NEXMIF: variants seen among roughly 807,000 people sequenced by gnomAD.
NEXMIF encodes XLMR protein related to neurite extension.
Under a neutral mutation model 62.1 loss-of-function variants are expected in NEXMIF, and 8 were observed. The ratio of observed to expected loss-of-function variants is 0.13; its 90% confidence interval spans 0.08 to 0.23. NEXMIF has a LOEUF of 0.23. NEXMIF is among the 10% of genes least tolerant of loss of function. NEXMIF has a pLI of 1.00. For synonymous variants in NEXMIF, 404 were observed against 416.6 expected (o/e 0.97, Z 0.37); for missense variants, 976 against 1,113.3 (o/e 0.88, Z 1.75).
At chrX:74,744,929 TC>T (rs761970353) in intron 2 of NEXMIF, among the ~76,000 whole-genome samples, 28 of 7,373 alleles carry the variant, frequency 3.8e-3, no homozygotes, top group Admixed American at 0.011. Flanking sequence ...CTTCTCTCTC[TC>T]CTCTCTCTCT....
intron 1 of NEXMIF, among the ~76,000 whole-genome samples, chrX:74,765,944 G>A (rs1462106510): frequency 2.8e-5 from 3 of 106,334 alleles, no homozygotes; most frequent in African/African-American, 1.0e-4. Context: ...AGGAGGCTGA[G>A]TCAGTAGAAT....
chrX:74,882,031 C>T (rs1459620627), intron 1 of NEXMIF, among the ~76,000 whole-genome samples: 2 of 111,611 alleles, frequency 1.8e-5, no homozygotes, highest in Non-Finnish European at 3.8e-5. Context: ...TGATTTCCTG[C>T]CAAACCATTT....
chrX:74,739,156 G>A lies in NEXMIF; in HGVS notation c.*249C>T, dbSNP rs1461603090. 5 of 228,545 alleles carry A rather than the reference G, an allele frequency of 2.2e-5. No homozygotes were observed. Among genetic ancestry groups the A allele is most frequent in the African/African-American group, 1.2e-4 (4 of 34,211 alleles). 18.8% of individuals were successfully genotyped at this position (228,545 alleles called of 1,213,427 possible). A position where few individuals can be genotyped will look rare whatever the true frequency, so the allele number is the denominator to read the frequency against. On this transcript the variant is annotated 3_prime_UTR_variant, in exon 4 of 4. Coordinates refer to ENST00000055682, the MANE Select transcript of NEXMIF (RefSeq NM_001008537.3). ...CCAAATACAACCAAATGTTGATATA[G>A]AAGTAAAAATATATACAGTACAGTC...
At position 74,920,541 on chromosome X, in the gene NEXMIF, A is replaced by G. The variant is rs942288264; in HGVS notation, c.-48+4342T>C. ...CTGGATATTAGCCCTTTGTCAGATG[A>G]GTAGGTTGCAAAAATTTTCTCCCAT... On this transcript the variant is annotated intron_variant, in intron 1 of 3. Transcript: ENST00000055682. 1.5e-4 allele frequency among the ~76,000 whole-genome samples: 17 copies of G among 110,829 alleles called. 1 individual carries two copies. In the East Asian group the frequency reaches 4.9e-3, roughly 32 times the overall value.
chrX:74,788,031 C>G (rs1057219154), intron 1 of NEXMIF, among the ~76,000 whole-genome samples: 1 of 111,532 alleles, frequency 9.0e-6, no homozygotes, highest in African/African-American at 3.3e-5. Flanking sequence ...CAGTTGGAAC[C>G]CAAAATAGTA....
At chrX:74,793,067 G>A (rs1410736421) in intron 1 of NEXMIF, among the ~76,000 whole-genome samples, 1 of 109,885 alleles carries the variant, frequency 9.1e-6, no homozygotes, top group Non-Finnish European at 1.9e-5. Context: ...TTTCTTCCTA[G>A]TCTTGATGGT....
At chrX:74,919,160 G>A (rs937633844) in intron 1 of NEXMIF, among the ~76,000 whole-genome samples, 1 of 111,742 alleles carries the variant, frequency 8.9e-6, no homozygotes, top group African/African-American at 3.3e-5. Context: ...TTTCATGAAA[G>A]TTAGAGCAGC....
intron 1 of NEXMIF, among the ~76,000 whole-genome samples, chrX:74,801,475 A>C (rs1446405495): frequency 8.9e-6 from 1 of 111,785 alleles, no homozygotes; most frequent in African/African-American, 3.3e-5. Context: ...AGATGTCTAG[A>C]AGGCCAGAAG....
chrX:74,742,897 T>A lies in NEXMIF; in HGVS notation c.1660A>T (p.Met554Leu), dbSNP rs905657287. Residue 554 changes from methionine (M) to leucine (L), a missense_variant, in exon 3 of 4, where the codon ATG becomes TTG. Met to Leu is a conservative substitution (Grantham distance 15, BLOSUM62 2). Transcript: ENST00000055682. Reference protein sequence around the residue: ...IINRFKGEKNMLVKLGKVDAS... With the variant: ...IINRFKGEKNLLVKLGKVDAS... Reference sequence around the variant, plus strand: ...TCCACCTTACCCAACTTCACCAGCATGTTCTTCTCACCTTTAAAGCGATTA... The same window carrying A: ...TCCACCTTACCCAACTTCACCAGCAAGTTCTTCTCACCTTTAAAGCGATTA... 8.3e-7 allele frequency: 1 copy of A among 1,211,647 alleles called. No individual in the cohort carries two copies. Among genetic ancestry groups the A allele is most frequent in the South Asian group, 1.8e-5 (1 of 56,968 alleles).
intron 1 of NEXMIF, among the ~76,000 whole-genome samples, chrX:74,877,568 G>T (rs1227459608): frequency 1.3e-4 from 15 of 111,549 alleles, no homozygotes; most frequent in East Asian, 2.8e-4. Flanking sequence ...TTCTCCTGGA[G>T]AATATCCTGC....
At chrX:74,798,995 G>C (rs2080320932) in intron 1 of NEXMIF, among the ~76,000 whole-genome samples, 1 of 110,174 alleles carries the variant, frequency 9.1e-6, no homozygotes, top group African/African-American at 3.3e-5. Flanking sequence ...AGTGAAACAA[G>C]GGAACAATGA....
intron 1 of NEXMIF, among the ~76,000 whole-genome samples, chrX:74,892,406 G>T (rs1439362071): frequency 9.0e-6 from 1 of 111,681 alleles, no homozygotes; most frequent in Non-Finnish European, 1.9e-5. Flanking sequence ...TGGGTGCTCA[G>T]GTCACTTTAC....
intron 1 of NEXMIF, among the ~76,000 whole-genome samples, chrX:74,789,290 C>A (rs1463647225): frequency 2.8e-5 from 3 of 106,481 alleles, no homozygotes; most frequent in East Asian, 3.0e-4. Flanking sequence ...CATGTCCCTA[C>A]AAAGGACATG....
chrX:74,800,264 T>C lies in NEXMIF; in HGVS notation c.-47-54567A>G, dbSNP rs778667486. 1.8e-4 allele frequency among the ~76,000 whole-genome samples: 20 copies of C among 111,663 alleles called. 1 individual carries two copies. In the South Asian group the frequency reaches 2.3e-3, roughly 13 times the overall value. On this transcript the variant is annotated intron_variant, in intron 1 of 3. Transcript: ENST00000055682. ...GTGCATGTAGGGGCTTTAGTGATCT[T>C]GAAGGACCCTTCTATCCTGAGTAAT...
chrX:74,852,252 T>C (rs1247349983), intron 1 of NEXMIF, among the ~76,000 whole-genome samples: 1 of 111,421 alleles, frequency 9.0e-6, no homozygotes, highest in East Asian at 2.8e-4. Flanking sequence ...CAGAGATCAA[T>C]TCAGCAAGAG....
intron 1 of NEXMIF, among the ~76,000 whole-genome samples, chrX:74,920,472 T>C (rs1406611892): frequency 1.8e-5 from 2 of 111,230 alleles, no homozygotes; most frequent in Non-Finnish European, 3.8e-5. Context: ...TTGATGGGGT[T>C]GTTTGTTTTT....
intron 1 of NEXMIF, among the ~76,000 whole-genome samples, chrX:74,906,290 A>G (rs1313170374): frequency 9.1e-6 from 1 of 109,660 alleles, no homozygotes; most frequent in Non-Finnish European, 1.9e-5. Context: ...AAAAAAAAGG[A>G]AAAGAAAAGA....
intron 1 of NEXMIF, among the ~76,000 whole-genome samples, chrX:74,893,831 T>C (rs2080724973): frequency 8.9e-6 from 1 of 112,222 alleles, no homozygotes; most frequent in Non-Finnish European, 1.9e-5. Flanking sequence ...AGTCATGACC[T>C]GGCTTTCCCA....
At chrX:74,799,649 G>T (rs1307615640) in intron 1 of NEXMIF, among the ~76,000 whole-genome samples, 1 of 110,619 alleles carries the variant, frequency 9.0e-6, no homozygotes, top group Non-Finnish European at 1.9e-5. Context: ...TTTCTTTTTG[G>T]AGACAGGGTC....
Sources: gnomAD v4.1 joint callset for allele counts (sites outside exome capture counted in the v4.1 genomes callset) on GRCh38, gnomAD v4.1.1 for gene constraint, MANE v1.5 for transcripts, NCBI Gene and HGNC (gene_info 2026-07-23, HGNC 2026-07-21) for gene names.